Variants in BRAT1 observed in about 807,000 individuals in gnomAD.
BRAT1 encodes the protein integrator complex assembly factor BRAT1.
In BRAT1, 74 loss-of-function variants were observed where a neutral mutation model predicts 70.6. The ratio of observed to expected loss-of-function variants is 1.05; its 90% CI spans 0.87 to 1.27. The LOEUF (loss-of-function observed/expected upper bound fraction) is 1.27, where lower values mean the gene tolerates loss of function less well. Among genes scored for constraint, BRAT1 ranks in the 50% most tolerant of loss-of-function variants. BRAT1 has a pLI of 0.00. For synonymous variants in BRAT1, 615 were observed against 517.1 expected, an observed-to-expected ratio of 1.19 and a Z score of -2.57; for missense variants, 1,203 against 1,098.2, an observed-to-expected ratio of 1.10 and a Z score of -1.35.
In BRAT1 at chr7:2,538,578, G is replaced by T; in HGVS notation, c.1957C>A (p.Gln653Lys). 1 of 1,599,036 alleles carries T rather than the reference G, an allele frequency of 6.3e-7. No homozygotes were observed. ...AACACGAGGGCCAGCTCCAGGCCCT[G>T]GGCGCGGACCTCCCAGTCCAGGTCT... ...SRDLDWEVRA[Q>K]GLELALVFLG... Residue 653 changes from glutamine to lysine, a missense_variant, in exon 14 of 14, where the codon CAG becomes AAG. Transcript: ENST00000340611.
At position 2,538,621 on chromosome 7, in the gene BRAT1, C is replaced by T; in HGVS notation, c.1914G>A (p.Val638=). The part of the protein sequence containing the change: ...AQDTEQFVAT[V]LQAASRDLDW... Reference sequence around the variant, plus strand: ...CCAGGTCTCGGCTCGCCGCCTGCAGCACAGTGGCCACGAACTGCTCCGTGT... The same window carrying T: ...CCAGGTCTCGGCTCGCCGCCTGCAGTACAGTGGCCACGAACTGCTCCGTGT... Residue 638 remains valine, a synonymous_variant, in exon 14 of 14, where the codon GTG becomes GTA. Transcript: ENST00000340611. 6.3e-7 allele frequency: 1 copy of T among 1,598,174 alleles called. No homozygotes were observed. The highest frequency in any genetic ancestry group is 8.5e-7 in the Non-Finnish European group (1 of 1,179,312).
chr7:2,543,807 G>A lies in BRAT1; in HGVS notation c.586C>T (p.Gln196Ter), dbSNP rs149814450. 9 of 1,612,742 alleles carry A rather than the reference G, an allele frequency of 5.6e-6. No individual in the cohort carries two copies. Among genetic ancestry groups the A allele is most frequent in the Non-Finnish European group, 7.6e-6 (9 of 1,179,856 alleles). ...LPGGDWPACA[Q>*]KIMDHVEESL... is the part of the protein sequence containing the mutation. ...TCTTCAACGTGATCCATGATCTTCT[G>A]GGCACACGCGGGCCAGTCACCCCCC... is the stretch of plus-strand genomic sequence containing the variant. The change falls in exon 5 of 14, where the codon CAG becomes TAG. Residue 196 changes from glutamine to a stop codon, truncating the protein, a stop_gained. Transcript: ENST00000340611. LOFTEE classifies it high-confidence loss of function. This position sits in a 1 kb window ranked among gnomAD's most constrained non-coding sequence, Gnocchi z 5.5.
At chr7:2,550,481 C>CAAAAAAAAAAAAA (rs369777124) in intron 2 of BRAT1, among the ~76,000 whole-genome samples, 9 of 57,582 alleles carry the variant, frequency 1.6e-4, no homozygotes, top group African/African-American at 3.2e-4. Context: ...AAAAAAAAAA[C>CAAAAAAAAAAAAA]AAAAAAAAAA....
In BRAT1 at chr7:2,538,196, T is replaced by C; in HGVS notation, c.2339A>G (p.Asp780Gly). 2 of 1,609,832 alleles carry C rather than the reference T, an allele frequency of 1.2e-6. No homozygotes were observed. Among genetic ancestry groups the C allele is most frequent in the South Asian group, 1.1e-5 (1 of 91,026 alleles). Residue 780 changes from aspartate to glycine, a missense_variant, in exon 14 of 14, where the codon GAC becomes GGC. By Grantham distance (94) the Asp-to-Gly change is moderately conservative. Coordinates refer to ENST00000340611, the MANE Select transcript of BRAT1 (RefSeq NM_152743.4). ...CAGCGTGCTCCGCAGGCCCTCCAGG[T>C]CTAGGGACCTGAGCATGGCCAGCAC... ...EAVLAMLRSL[D>G]LEGLRSTLAE... is the part of the protein sequence containing the mutation.
chr7:2,555,195 T>A (rs1780332896), intron 1 of BRAT1, among the ~76,000 whole-genome samples: 1 of 147,536 alleles, frequency 6.8e-6, no homozygotes, highest in Non-Finnish European at 1.5e-5. Flanking sequence ...GTGGGCGGGG[T>A]GGTCAGCGGC....
At chr7:2,540,222 C>A (rs188955144) in intron 10 of BRAT1, 200 of 260,522 alleles carry the variant, frequency 7.7e-4, no homozygotes, top group African/African-American at 3.9e-3. Context: ...GAGCTATACT[C>A]CTGGGGCTAA....
intron 13 of BRAT1, 31 bp from the exon 14 acceptor site, chr7:2,538,795 G>C (rs779539982): frequency 6.3e-7 from 1 of 1,596,874 alleles, no homozygotes; most frequent in Admixed American, 1.7e-5. Context: ...GCGGATGGTT[G>C]GTGGGGTGGC....
rs1157991040 is a variant in BRAT1 at position 2,542,299 on chromosome 7, A to G, written c.924-88T>C. On this transcript the variant is annotated intron_variant, in intron 6 of 13. Coordinates refer to ENST00000340611, the MANE Select transcript of BRAT1 (RefSeq NM_152743.4). ...AATGTCCCCAGCAAGCCTGGGGCAA[A>G]TCAGCCAGGGGGTTGGGACACCCCC... 3 of 1,136,638 alleles carry G rather than the reference A, an allele frequency of 2.6e-6. No homozygotes were observed. The African/African-American group carries it at 4.6e-5, about 18-fold the overall frequency. The allele number at this position is 1,136,638 out of a possible 1,614,324, so 70.4% of individuals were successfully genotyped here. A position where few individuals can be genotyped will look rare whatever the true frequency, so the allele number is the denominator to read the frequency against.
intron 2 of BRAT1, among the ~76,000 whole-genome samples, chr7:2,550,154 C>A (rs1429441904): frequency 6.9e-6 from 1 of 145,446 alleles, no homozygotes. Context: ...CAGAGTGAGA[C>A]CCTGTCTCCA....
At chr7:2,539,113 G>C in intron 13 of BRAT1, 66 bp downstream of exon 13, 1 of 1,529,944 alleles carries the variant, frequency 6.5e-7, no homozygotes, top group African/African-American at 1.4e-5. Flanking sequence ...TCGACCACCC[G>C]CAAGCAAACG....
intron 10 of BRAT1, 149 bp from the exon 11 acceptor site, chr7:2,540,037 CT>C (rs1196048251): frequency 3.4e-6 from 2 of 587,532 alleles, no homozygotes; most frequent in African/African-American, 1.9e-5. Flanking sequence ...GGGCTTCCTT[CT>C]TTTTTAGAGA....
chr7:2,553,172 C>T (rs190739837), intron 2 of BRAT1, among the ~76,000 whole-genome samples: 11 of 152,198 alleles, frequency 7.2e-5, no homozygotes, highest in African/African-American at 2.2e-4. Context: ...GCTGGGATTA[C>T]GGCGCATGCC....
chr7:2,553,623 A>G (rs954773320), intron 2 of BRAT1, among the ~76,000 whole-genome samples: 8 of 151,652 alleles, frequency 5.3e-5, no homozygotes, highest in African/African-American at 1.5e-4. Flanking sequence ...TCTTTTGTTC[A>G]TGTTTTAAAG....
chr7:2,540,980 G>A lies in BRAT1; in HGVS notation c.1394C>T (p.Thr465Met), dbSNP rs1021569403. 5.2e-6 allele frequency: 8 copies of A among 1,548,192 alleles called. No homozygotes were observed. Among genetic ancestry groups the A allele is most frequent in the African/African-American group, 1.4e-5 (1 of 70,548 alleles). ...ECLESPGSSP[T>M]VLKKAFQATL... Reference sequence around the variant, plus strand: ...CGCTCTCTATCCCCACCACCGTACCGTGGGGCTGGAGCCGGGGCTCTCGAG... The same window carrying A: ...CGCTCTCTATCCCCACCACCGTACCATGGGGCTGGAGCCGGGGCTCTCGAG... The change falls in exon 10 of 14, where the codon ACG becomes ATG. Residue 465 changes from threonine to methionine, a missense_variant and splice_region_variant. By Grantham distance (81) the Thr-to-Met change is moderately conservative. Transcript: ENST00000340611.
At position 2,543,607 on chromosome 7, in the gene BRAT1, C is replaced by G. The variant is rs138059744; in HGVS notation, c.786G>C (p.Leu262=). 1.3e-6 allele frequency: 2 copies of G among 1,521,180 alleles called. No individual in the cohort carries two copies. Among genetic ancestry groups the G allele is most frequent in the Non-Finnish European group, 1.8e-6 (2 of 1,132,034 alleles). 94.2% of individuals were successfully genotyped at this position (1,521,180 alleles called of 1,614,324 possible). Residue 262 remains leucine, a synonymous_variant, in exon 5 of 14, where the codon CTG becomes CTC. Coordinates refer to ENST00000340611, the MANE Select transcript of BRAT1 (RefSeq NM_152743.4). This position sits in a 1 kb window ranked among gnomAD's most constrained non-coding sequence, Gnocchi z 5.5. ...GCCCTGACCGAGCCACACAGAGAAG[C>G]AGGTCCACGAACGAGTGTGCGGCGG... ...PIPAAHSFVD[L]LLCVARSPVF... is the part of the protein sequence containing the mutation.
At chr7:2,551,122 C>T (rs6963750) in intron 2 of BRAT1, among the ~76,000 whole-genome samples, 3,448 of 151,892 alleles carry the variant, frequency 0.023, 139 homozygotes, top group African/African-American at 0.079. Flanking sequence ...CACCTTTAAT[C>T]GCAGGTACTC....
Position 2,540,935 on chromosome 7 carries a change from C to T in BRAT1, c.1395+44G>A, listed in dbSNP as rs115986733. 7,359 of 1,473,992 alleles carry T rather than the reference C, an allele frequency of 5.0e-3. 346 individuals carry two copies. The African/African-American group carries it at 0.095, about 19-fold the overall frequency. 91.3% of individuals were successfully genotyped at this position (1,473,992 alleles called of 1,614,324 possible). On this transcript the variant is annotated intron_variant, in intron 10 of 13. Transcript: ENST00000340611. Reference sequence around the variant, plus strand: ...TGGAGTCAGGGGTGGGTCCCACTGCCTCTGCCTCCCTCCTCTCCTCGCTCT... The same window carrying T: ...TGGAGTCAGGGGTGGGTCCCACTGCTTCTGCCTCCCTCCTCTCCTCGCTCT...
In BRAT1 at chr7:2,543,177, C is replaced by G. The variant is rs201838403; in HGVS notation, c.923+27G>C. On this transcript the variant is annotated intron_variant, in intron 6 of 13. Transcript: ENST00000340611. This position sits in a 1 kb window ranked among gnomAD's most constrained non-coding sequence, Gnocchi z 5.5. The stretch of plus-strand genomic sequence containing the variant: ...CTGCCCCAGCTCCCAGCACCCGCCT[C>G]GGAATGAAATGCACCCCAGACCATA... 9.1e-6 allele frequency: 14 copies of G among 1,536,516 alleles called. No individual in the cohort carries two copies. The highest frequency in any genetic ancestry group is 1.2e-5 in the Non-Finnish European group (14 of 1,140,754).
rs758920429 is a variant in BRAT1 at position 2,538,252 on chromosome 7, G to A, written c.2283C>T (p.Ala761=). 1 of 1,610,580 alleles carries A rather than the reference G, an allele frequency of 6.2e-7. No individual in the cohort carries two copies. Among genetic ancestry groups the A allele is most frequent in the Non-Finnish European group, 8.5e-7 (1 of 1,179,010 alleles). Residue 761 remains alanine (A), a synonymous_variant, in exon 14 of 14, where the codon GCC becomes GCT. Transcript: ENST00000340611. ...CAGGCTCCTGGTCCCCTGGGGGCTG[G>A]GCCTGCTCACCCGCCCGCCACCTCG... ...TLPRWRAGEQ[A]QPPGDQEPEA...
Sources: gnomAD v4.1 joint callset for allele counts (sites outside exome capture counted in the v4.1 genomes callset) on GRCh38, gnomAD v4.1.1 for gene constraint, Gnocchi (gnomAD v3.1) non-coding constraint, MANE v1.5 for transcripts, NCBI Gene and HGNC (gene_info 2026-07-23, HGNC 2026-07-21) for gene names.